DCAF1: variants seen among roughly 807,000 people sequenced by gnomAD.
The protein encoded by DCAF1 is DDB1- and CUL4-associated factor 1.
Under a neutral mutation model 128.0 loss-of-function variants are expected in DCAF1, and 15 were observed. That is an observed-to-expected ratio of 0.12 (90% CI 0.08 to 0.18). The LOEUF (loss-of-function observed/expected upper bound fraction) is 0.18, where lower values mean the gene tolerates loss of function less well. DCAF1 is among the 10% of genes least tolerant of loss of function. The pLI, the probability that DCAF1 is intolerant of heterozygous loss-of-function variation, is 1.00. For missense variants in DCAF1, 988 were observed against 1,649.5 expected (o/e 0.60, Z 6.95); for synonymous variants, 610 against 603.0 (o/e 1.01, Z -0.17).
chr3:51,462,899 A>G (rs1703760764), intron 6 of DCAF1, among the ~76,000 whole-genome samples: 1 of 151,958 alleles, frequency 6.6e-6, no homozygotes, highest in Non-Finnish European at 1.5e-5. Context: ...CCAGTTGCTC[A>G]CTGGGCAATA....
At chr3:51,456,779 C>CGCT (rs782475907) in intron 6 of DCAF1, among the ~76,000 whole-genome samples, 27 of 152,156 alleles carry the variant, frequency 1.8e-4, no homozygotes, top group Non-Finnish European at 3.2e-4. Flanking sequence ...CTGCAGCCAC[C>CGCT]GCTGCTGATA....
chr3:51,463,251 T>C lies in DCAF1; in HGVS notation c.262-24A>G, dbSNP rs781879832. On this transcript the variant is annotated intron_variant, in intron 5 of 24. Transcript: ENST00000684031. ...AGCTGTAAAGAAAAAAAAGAAATAC[T>C]GTTCATCTAAAATTCAACCCAGTCA... The C allele has an allele frequency of 8.2e-6, 12 of 1,472,090 alleles. No individual in the cohort carries two copies. The South Asian group carries it at 1.2e-4, about 15-fold the overall frequency. 91.2% of individuals were successfully genotyped at this position (1,472,090 alleles called of 1,614,324 possible).
chr3:51,442,876 A>G (rs1320733920), intron 7 of DCAF1, among the ~76,000 whole-genome samples: 3 of 152,180 alleles, frequency 2.0e-5, no homozygotes, highest in Non-Finnish European at 4.4e-5. Context: ...TGGGAAATGA[A>G]CGATAGGGAC....
At chr3:51,502,718 G>A (rs887152175), upstream of DCAF1, among the ~76,000 whole-genome samples, 28 of 151,910 alleles carry the variant, frequency 1.8e-4, no homozygotes, top group Non-Finnish European at 2.8e-4. Context: ...CAGCAGCCAC[G>A]CCCTCAGGAA....
At chr3:51,395,894 C>T (rs1417744467), downstream of DCAF1, 1 of 413,470 alleles carries the variant, frequency 2.4e-6, no homozygotes. Flanking sequence ...TATTTATTTG[C>T]CTGTTTTTGT....
chr3:51,437,135 T>C (rs530607086), intron 9 of DCAF1, among the ~76,000 whole-genome samples: 1 of 151,882 alleles, frequency 6.6e-6, no homozygotes, highest in East Asian at 1.9e-4. Context: ...TGGTGGCACA[T>C]GCCTGTAATC....
At chr3:51,400,630 T>TACCTTCCTTATCCTTTCCCC (rs1203154458) in intron 24 of DCAF1, among the ~76,000 whole-genome samples, 99 of 152,270 alleles carry the variant, frequency 6.5e-4, no homozygotes, top group Non-Finnish European at 1.2e-3. Context: ...CGCCTTTCTC[T>TACCTTCCTTATCCTTTCCCC]ACCTTCCTTA....
rs200290213 is a variant in DCAF1, at chr3:51,441,603, C to T, written c.808G>A (p.Ala270Thr). The change falls in exon 8 of 25, where the codon GCA becomes ACA. Residue 270 changes from alanine (A) to threonine (T), a missense_variant. Transcript: ENST00000684031. ...EDGGLKKNKSAKQGDRENFRK... is the reference protein window; with the variant it reads ...EDGGLKKNKSTKQGDRENFRK... ...AAGTTCTCTCTGTCACCCTGTTTTG[C>T]TGACTTGTTTTTCTTTAATCCTCCA... 595 of 1,613,962 alleles carry T rather than the reference C, an allele frequency of 3.7e-4. No homozygotes were observed. In the African/African-American group the frequency reaches 7.5e-3, roughly 20 times the overall value.
At position 51,419,690 on chromosome 3, in the gene DCAF1, G is replaced by T. The variant is rs782676583; in HGVS notation, c.3236+44C>A. On this transcript the variant is annotated intron_variant, in intron 15 of 24. Transcript: ENST00000684031. ...ACTGCCCAGTTTGATTTAAATAAAA[G>T]AATCATTCCAATTCCCAGGGAGTAA... 11 of 1,544,100 alleles carry T rather than the reference G, an allele frequency of 7.1e-6. No homozygotes were observed. In the East Asian group the frequency reaches 2.5e-4, roughly 35 times the overall value.
At chr3:51,454,111 G>A (rs1296406994) in intron 6 of DCAF1, among the ~76,000 whole-genome samples, 1 of 152,138 alleles carries the variant, frequency 6.6e-6, no homozygotes, top group East Asian at 1.9e-4. Context: ...AGCACGATCA[G>A]GGCTAACCAT....
At chr3:51,445,189 T>C (rs897143979) in intron 6 of DCAF1, among the ~76,000 whole-genome samples, 18 of 152,268 alleles carry the variant, frequency 1.2e-4, no homozygotes, top group Admixed American at 1.1e-3. Context: ...GAAAAAATTT[T>C]AAAGAAACAG....
chr3:51,466,614 G>A (rs1184446614), intron 5 of DCAF1, among the ~76,000 whole-genome samples, 189 bp downstream of exon 5: 1 of 152,060 alleles, frequency 6.6e-6, no homozygotes, highest in African/African-American at 2.4e-5. Context: ...TAGATACCTT[G>A]GGAGGCCTCA....
chr3:51,483,163 C>A (rs1706459651), intron 3 of DCAF1, among the ~76,000 whole-genome samples: 3 of 131,916 alleles, frequency 2.3e-5, no homozygotes, highest in African/African-American at 8.7e-5. Flanking sequence ...AAGCCAGGCT[C>A]AGTGGCTCAC....
At position 51,429,418 on chromosome 3, in the gene DCAF1, T is replaced by G. The variant is rs1553634984; in HGVS notation, c.1520A>C (p.Asp507Ala). The change falls in exon 12 of 25, where the codon GAT becomes GCT. Residue 507 changes from aspartate to alanine, a missense_variant. Around this residue, in one of 11 missense-constraint regions of DCAF1, gnomAD observed 185 missense variants for 248.1 expected, o/e 0.75. Coordinates refer to ENST00000684031, the MANE Select transcript of DCAF1 (RefSeq NM_001387579.1). ...NLEDQGALLS[D>A]DEIFASRQTG... ...TTGGCGGCTAGCAAATATTTCATCA[T>G]CACTCAGAAGTGCACCCTGATCTTC... 1 of 780,872 alleles carries G rather than the reference T, an allele frequency of 1.3e-6. No homozygotes were observed. The highest frequency in any genetic ancestry group is 2.4e-6 in the Non-Finnish European group (1 of 417,992). The allele number at this position is 780,872 out of a possible 1,614,324, so 48.4% of individuals were successfully genotyped here. A position where few individuals can be genotyped will look rare whatever the true frequency, so the allele number is the denominator to read the frequency against.
intron 2 of DCAF1, among the ~76,000 whole-genome samples, chr3:51,489,228 G>A (rs1465928213): frequency 4.6e-5 from 7 of 152,138 alleles, no homozygotes; most frequent in Admixed American, 2.6e-4. Flanking sequence ...GAGAACAGGA[G>A]TTTGAGACCA....
chr3:51,470,241 G>A (rs188127987), intron 4 of DCAF1, among the ~76,000 whole-genome samples: 1 of 152,122 alleles, frequency 6.6e-6, no homozygotes, highest in East Asian at 1.9e-4. Flanking sequence ...TGAAGGCACA[G>A]AGAAGAACAC....
intron 23 of DCAF1, among the ~76,000 whole-genome samples, chr3:51,409,407 C>T (rs1476232313): frequency 1.3e-5 from 2 of 152,094 alleles, no homozygotes; most frequent in African/African-American, 2.4e-5. Flanking sequence ...AGTTGACCTC[C>T]CCCTCAAAGA....
At chr3:51,436,536 A>G (rs1700850303) in intron 9 of DCAF1, 10 of 440,640 alleles carry the variant, frequency 2.3e-5, no homozygotes, top group South Asian at 1.6e-4. Context: ...ATGCTAGGAT[A>G]GACTGTATAC....
At chr3:51,426,010 G>A (rs573794529) in intron 13 of DCAF1, among the ~76,000 whole-genome samples, 13 of 152,190 alleles carry the variant, frequency 8.5e-5, no homozygotes, top group Non-Finnish European at 1.5e-4. Flanking sequence ...AGCTATTTTC[G>A]TAATAATAAG....
Sources: allele counts gnomAD v4.1 joint callset (sites outside exome capture counted in the v4.1 genomes callset), GRCh38; gene constraint gnomAD v4.1.1; regional missense constraint gnomAD v4.1.1; transcripts MANE v1.5; gene names NCBI Gene and HGNC (gene_info 2026-07-23, HGNC 2026-07-21).